FRMD5: variants seen among roughly 807,000 people sequenced by gnomAD.
The protein encoded by FRMD5 is FERM domain containing 5, also known as FERM domain-containing protein 5.
FRMD5 carries 20 observed loss-of-function variants against 69.0 expected under a neutral mutation model. The observed-to-expected ratio is 0.29, with a 90% CI of 0.20 to 0.42. The LOEUF is 0.42. Among genes scored for constraint, FRMD5 ranks in the 10% least tolerant of loss-of-function variants. The probability of loss-of-function intolerance (pLI) is 1.00; values close to 1 mark genes in which losing one functional copy is unlikely to be tolerated. For synonymous variants in FRMD5, 271 were observed against 260.1 expected (o/e 1.04, Z -0.40); for missense variants, 595 against 708.6 (o/e 0.84, Z 1.82).
chr15:43,965,052 T>C (rs1438221265), intron 1 of FRMD5, among the ~76,000 whole-genome samples: 1 of 152,178 alleles, frequency 6.6e-6, no homozygotes, highest in Non-Finnish European at 1.5e-5. Context: ...ACTCACCTAG[T>C]ATGGAAAAGG....
chr15:43,885,822 T>G, intron 10 of FRMD5, 67 bp from the exon 11 acceptor site: 1 of 1,204,274 alleles, frequency 8.3e-7, no homozygotes, highest in Non-Finnish European at 1.2e-6. Context: ...AGGCAGCACA[T>G]CCCCAGCTTC....
At chr15:44,192,398 A>G (rs1258932697) in intron 1 of FRMD5, among the ~76,000 whole-genome samples, 2 of 152,210 alleles carry the variant, frequency 1.3e-5, no homozygotes, top group Admixed American at 6.5e-5. Context: ...TAAAATAGAT[A>G]CTTTATTTAA....
At chr15:43,957,002 C>A (rs749996213) in intron 1 of FRMD5, among the ~76,000 whole-genome samples, 2 of 152,150 alleles carry the variant, frequency 1.3e-5, no homozygotes, top group Non-Finnish European at 2.9e-5. Flanking sequence ...GTAGTTAAGT[C>A]AGCCTTTTTA....
chr15:44,108,505 G>A (rs1389875799), intron 1 of FRMD5, among the ~76,000 whole-genome samples: 2 of 151,970 alleles, frequency 1.3e-5, no homozygotes, highest in Non-Finnish European at 2.9e-5. Context: ...TTAGCCGAGC[G>A]TGGTGGGTGC....
At chr15:44,178,791 G>A (rs956615908) in intron 1 of FRMD5, among the ~76,000 whole-genome samples, 4 of 152,110 alleles carry the variant, frequency 2.6e-5, no homozygotes, top group South Asian at 4.1e-4. Flanking sequence ...CCAGGAGTTC[G>A]AGACCAGCCT....
chr15:43,873,810 T>A lies in FRMD5; in HGVS notation c.*75A>T. ...GGTATATGTGCCGATGGTTCCGCGATGGGTCCCATTGCTGGGAATGGGTAG... is the reference window on the plus strand; with the variant it reads ...GGTATATGTGCCGATGGTTCCGCGAAGGGTCCCATTGCTGGGAATGGGTAG... On this transcript the variant is annotated 3_prime_UTR_variant, in exon 14 of 14. Transcript: ENST00000417257. 6.3e-7 allele frequency: 1 copy of A among 1,577,124 alleles called. No individual in the cohort carries two copies. Among genetic ancestry groups the A allele is most frequent in the Non-Finnish European group, 8.6e-7 (1 of 1,161,362 alleles).
intron 1 of FRMD5, among the ~76,000 whole-genome samples, chr15:44,147,595 C>T (rs1469904527): frequency 2.0e-5 from 3 of 152,024 alleles, no homozygotes; most frequent in African/African-American, 4.8e-5. Flanking sequence ...AGCATTTTGT[C>T]TTTGAACATG....
At chr15:44,133,591 A>C (rs1179058204) in intron 1 of FRMD5, among the ~76,000 whole-genome samples, 4 of 151,588 alleles carry the variant, frequency 2.6e-5, no homozygotes, top group African/African-American at 9.7e-5. Flanking sequence ...AAAAAAAAAA[A>C]AAAACTGAAA....
chr15:43,988,965 A>C (rs1889532014), intron 1 of FRMD5: 1 of 640,966 alleles, frequency 1.6e-6, no homozygotes, highest in Non-Finnish European at 2.9e-6. Flanking sequence ...AAACAAAACA[A>C]AATAAAAAAA....
chr15:44,024,742 T>C (rs1891357257), intron 1 of FRMD5, among the ~76,000 whole-genome samples: 1 of 152,230 alleles, frequency 6.6e-6, no homozygotes. Context: ...AGTCTGTTAT[T>C]TTTATCTTTG....
chr15:44,135,965 G>C (rs2077178243), intron 1 of FRMD5, among the ~76,000 whole-genome samples: 1 of 151,974 alleles, frequency 6.6e-6, no homozygotes, highest in Admixed American at 6.6e-5. Flanking sequence ...CACCAGTTAA[G>C]TTTTGGGTCG....
rs1566861964 is a variant in FRMD5 at position 43,958,904 on chromosome 15, C to T, written c.103-34595G>A. On this transcript the variant is annotated intron_variant, in intron 1 of 13. Transcript: ENST00000417257. ...CAGACTCCTTAGAAACAGAAACAAA[C>T]AAGTATTCAACTGTGTGCATCTCTG... 2.6e-5 allele frequency among the ~76,000 whole-genome samples: 4 copies of T among 152,188 alleles called. 1 individual carries two copies. Among genetic ancestry groups the T allele is most frequent in the Admixed American group, 1.3e-4 (2 of 15,284 alleles).
At chr15:43,980,284 A>C (rs1249609046) in intron 1 of FRMD5, among the ~76,000 whole-genome samples, 1 of 152,142 alleles carries the variant, frequency 6.6e-6, no homozygotes, top group Non-Finnish European at 1.5e-5. Flanking sequence ...CTAATAGGGG[A>C]CTGTCCCACT....
At chr15:44,136,304 G>T (rs1281244721) in intron 1 of FRMD5, among the ~76,000 whole-genome samples, 1 of 152,118 alleles carries the variant, frequency 6.6e-6, no homozygotes, top group African/African-American at 2.4e-5. Flanking sequence ...GATTACAGGC[G>T]TGAGCCACGG....
chr15:43,892,094 C>T (rs141564135), intron 7 of FRMD5, 25 bp from the exon 8 acceptor site: 24 of 1,603,168 alleles, frequency 1.5e-5, no homozygotes, highest in East Asian at 4.5e-5. Flanking sequence ...GACTTCTCAT[C>T]GGGTGATGCA....
chr15:44,053,893 T>C (rs1211425447), intron 1 of FRMD5, among the ~76,000 whole-genome samples: 3 of 152,164 alleles, frequency 2.0e-5, no homozygotes, highest in Non-Finnish European at 4.4e-5. Context: ...GAATTCAGAA[T>C]ATGAAAAGAA....
At chr15:43,897,293 G>T (rs975398103) in intron 7 of FRMD5, among the ~76,000 whole-genome samples, 14 of 152,000 alleles carry the variant, frequency 9.2e-5, no homozygotes, top group African/African-American at 2.9e-4. Context: ...TTTGAGACAA[G>T]CCTGGCCAAC....
chr15:43,937,228 G>C (rs1229196412), intron 1 of FRMD5, among the ~76,000 whole-genome samples: 3 of 152,182 alleles, frequency 2.0e-5, no homozygotes, highest in African/African-American at 7.2e-5. Context: ...TAGGATCATT[G>C]GGCTTCAGAT....
chr15:44,012,553 G>A (rs937412290), intron 1 of FRMD5, among the ~76,000 whole-genome samples: 4 of 152,024 alleles, frequency 2.6e-5, no homozygotes, highest in Non-Finnish European at 5.9e-5. Context: ...TTTCAAAACC[G>A]GTCACTAACT....
Sources: allele counts gnomAD v4.1 joint callset (sites outside exome capture counted in the v4.1 genomes callset), GRCh38; gene constraint gnomAD v4.1.1; transcripts MANE v1.5; gene names NCBI Gene and HGNC (gene_info 2026-07-23, HGNC 2026-07-21).